Variants in PLCB1 observed in about 807,000 individuals in gnomAD.
PLCB1 encodes the protein phospholipase C beta 1, also known as 1-phosphatidylinositol 4,5-bisphosphate phosphodiesterase beta-1.
A neutral mutation model predicts 161.8 loss-of-function variants in PLCB1; 46 were observed. The ratio of observed to expected loss-of-function variants is 0.28; its 90% CI spans 0.22 to 0.36. PLCB1 has a LOEUF of 0.36. Among genes scored for constraint, PLCB1 ranks in the 10% least tolerant of loss-of-function variants. The probability of loss-of-function intolerance (pLI) is 1.00; values close to 1 mark genes in which losing one functional copy is unlikely to be tolerated. For synonymous variants in PLCB1, 517 were observed against 503.7 expected (o/e 1.03, Z -0.35); for missense variants, 1,016 against 1,472.5 (o/e 0.69, Z 5.07).
At chr20:8,291,857 T>G (rs1983398537) in intron 2 of PLCB1, among the ~76,000 whole-genome samples, 1 of 152,158 alleles carries the variant, frequency 6.6e-6, no homozygotes, top group Admixed American at 6.6e-5. Flanking sequence ...ATGAAATGTA[T>G]ATATTAACTA....
At chr20:8,781,190 A>G (rs980503990) in intron 27 of PLCB1, among the ~76,000 whole-genome samples, 1 of 152,082 alleles carries the variant, frequency 6.6e-6, no homozygotes, top group Non-Finnish European at 1.5e-5. Flanking sequence ...TGGTAGTGCC[A>G]TCTGTCTTCC....
intron 2 of PLCB1, among the ~76,000 whole-genome samples, chr20:8,328,484 A>G (rs1985243024): frequency 6.6e-6 from 1 of 151,688 alleles, no homozygotes; most frequent in Non-Finnish European, 1.5e-5. Flanking sequence ...TTTTTGGTTC[A>G]TTGCCTGATT....
intron 21 of PLCB1, among the ~76,000 whole-genome samples, chr20:8,739,699 T>A (rs1462862307): frequency 6.6e-6 from 1 of 152,212 alleles, no homozygotes; most frequent in Non-Finnish European, 1.5e-5. Context: ...TCTATGTCTG[T>A]CCCACATGCG....
intron 27 of PLCB1, among the ~76,000 whole-genome samples, chr20:8,777,548 G>T (rs560421742): frequency 2.0e-5 from 3 of 152,040 alleles, no homozygotes; most frequent in African/African-American, 7.2e-5. Context: ...GTGAAACCCT[G>T]TCTCTACTAA....
At chr20:8,469,549 C>T (rs1194918152) in intron 3 of PLCB1, among the ~76,000 whole-genome samples, 1 of 151,784 alleles carries the variant, frequency 6.6e-6, no homozygotes. Context: ...TGTAACCCTA[C>T]TGAGTTCCAG....
At chr20:8,394,823 T>C (rs1987716234) in intron 3 of PLCB1, among the ~76,000 whole-genome samples, 1 of 152,182 alleles carries the variant, frequency 6.6e-6, no homozygotes, top group Non-Finnish European at 1.5e-5. Context: ...CTATAGTATA[T>C]AGGCTTCTAT....
chr20:8,344,994 A>G (rs1420352588), intron 2 of PLCB1, among the ~76,000 whole-genome samples: 2 of 152,228 alleles, frequency 1.3e-5, no homozygotes, highest in African/African-American at 2.4e-5. Flanking sequence ...ACCCGAGGCA[A>G]TTAAAGGCAG....
chr20:8,623,400 A>G (rs2123204050), intron 3 of PLCB1, among the ~76,000 whole-genome samples: 1 of 152,292 alleles, frequency 6.6e-6, no homozygotes, highest in South Asian at 2.1e-4. Flanking sequence ...TTTATTTCAG[A>G]TGAAGATGCA....
At chr20:8,381,051 C>T (rs1348546694) in intron 3 of PLCB1, among the ~76,000 whole-genome samples, 3 of 152,136 alleles carry the variant, frequency 2.0e-5, no homozygotes, top group Non-Finnish European at 4.4e-5. Flanking sequence ...CCAGTTTTTT[C>T]CCATTCAATA....
At chr20:8,251,619 G>T (rs1388790834) in intron 2 of PLCB1, among the ~76,000 whole-genome samples, 2 of 152,068 alleles carry the variant, frequency 1.3e-5, no homozygotes, top group African/African-American at 4.8e-5. Flanking sequence ...TGTATATGCT[G>T]TTCAAAGTGG....
chr20:8,589,558 G>T (rs1251328001), intron 3 of PLCB1, among the ~76,000 whole-genome samples: 1 of 149,612 alleles, frequency 6.7e-6, no homozygotes, highest in African/African-American at 2.5e-5. Flanking sequence ...TCTTCTTATT[G>T]TGTCCTCACA....
chr20:8,468,995 C>T (rs6055836), intron 3 of PLCB1, among the ~76,000 whole-genome samples: 4,767 of 152,138 alleles, frequency 0.031, 249 homozygotes, highest in African/African-American at 0.11. Flanking sequence ...TTCCACCCCC[C>T]GTAGTGTCTG....
At chr20:8,504,394 A>C (rs1478029287) in intron 3 of PLCB1, among the ~76,000 whole-genome samples, 1 of 152,250 alleles carries the variant, frequency 6.6e-6, no homozygotes, top group East Asian at 1.9e-4. Flanking sequence ...GCAGTGACCC[A>C]TGTATCTAAA....
chr20:8,497,718 A>T (rs1423658402), intron 3 of PLCB1, among the ~76,000 whole-genome samples: 2 of 152,234 alleles, frequency 1.3e-5, no homozygotes, highest in Non-Finnish European at 2.9e-5. Context: ...AAAAGCAATA[A>T]GATTAATAAA....
rs117531979 is a variant in PLCB1, at chr20:8,651,724, G to A, written c.594+2275G>A. The A allele has an allele frequency of 2.2e-5, 10 of 461,848 alleles. No homozygotes were observed. In the South Asian group the frequency reaches 3.1e-4, roughly 14 times the overall value. 28.6% of individuals were successfully genotyped at this position (461,848 alleles called of 1,614,324 possible). A position where few individuals can be genotyped will look rare whatever the true frequency, so the allele number is the denominator to read the frequency against. On this transcript the variant is annotated intron_variant, in intron 7 of 31. Transcript: ENST00000338037. ...AGCCAATAAGCATGCCAACAAATGC[G>A]TCTGTAAACTGGGGGAAGTGCTATA... is the stretch of plus-strand genomic sequence containing the variant.
chr20:8,633,913 A>C (rs1195925714), intron 4 of PLCB1, among the ~76,000 whole-genome samples: 1 of 152,192 alleles, frequency 6.6e-6, no homozygotes, highest in African/African-American at 2.4e-5. Flanking sequence ...ATTATTCAAC[A>C]TTATATTATG....
At chr20:8,383,521 A>G (rs1358652920) in intron 3 of PLCB1, among the ~76,000 whole-genome samples, 1 of 152,200 alleles carries the variant, frequency 6.6e-6, no homozygotes, top group East Asian at 1.9e-4. Flanking sequence ...TGTAACATTT[A>G]TCCCATTTAT....
chr20:8,447,996 G>A (rs1047601302), intron 3 of PLCB1, among the ~76,000 whole-genome samples: 8 of 152,216 alleles, frequency 5.3e-5, no homozygotes. Flanking sequence ...GAGACACATT[G>A]TCCAAACTTG....
At chr20:8,873,731 T>C (rs1024835448) in intron 31 of PLCB1, among the ~76,000 whole-genome samples, 3 of 152,078 alleles carry the variant, frequency 2.0e-5, no homozygotes, top group Non-Finnish European at 4.4e-5. Context: ...AATATAATTA[T>C]TTCTCCCTGT....
Sources: gnomAD v4.1 joint callset for allele counts (sites outside exome capture counted in the v4.1 genomes callset) on GRCh38, gnomAD v4.1.1 for gene constraint, MANE v1.5 for transcripts, NCBI Gene and HGNC (gene_info 2026-07-23, HGNC 2026-07-21) for gene names.